The following VAMP7 variants were observed in gnomAD, a reference collection of about 807,000 sequenced individuals.
The protein encoded by VAMP7 is vesicle-associated membrane protein 7.
Under a neutral mutation model 29.6 loss-of-function variants are expected in VAMP7, and 14 were observed. The ratio of observed to expected loss-of-function variants is 0.47; its 90% confidence interval spans 0.31 to 0.74. The LOEUF is 0.74. Among genes scored for constraint, VAMP7 ranks in the 30% least tolerant of loss-of-function variants. The pLI, the probability that VAMP7 is intolerant of heterozygous loss-of-function variation, is 0.05. For missense variants in VAMP7, 223 were observed against 262.4 expected (o/e 0.85, Z 1.04); for synonymous variants, 95 against 88.1 (o/e 1.08, Z -0.44).
At chrX:155,934,525 C>T (rs2066616792) in intron 6 of VAMP7, among the ~76,000 whole-genome samples, 1 of 152,110 alleles carries the variant, frequency 6.6e-6, no homozygotes, top group Non-Finnish European at 1.5e-5. Flanking sequence ...ATTGCAACCC[C>T]TGCCTTTTTT....
At chrX:155,905,432 A>AT (rs1404213654) in intron 5 of VAMP7, among the ~76,000 whole-genome samples, 1 of 151,884 alleles carries the variant, frequency 6.6e-6, no homozygotes, top group Non-Finnish European at 1.5e-5. Flanking sequence ...AGTCCAATTT[A>AT]TTTTTTTCTT....
In VAMP7 at chrX:155,913,135, G is replaced by C. The variant is rs189875769; in HGVS notation, c.434-6678G>C. ...TTTCTCTAATGACCCGTGATGATGAGCTTTTTTTTCATATGTTTATTGGCC... is the reference window on the plus strand; with the variant it reads ...TTTCTCTAATGACCCGTGATGATGACCTTTTTTTTCATATGTTTATTGGCC... On this transcript the variant is annotated intron_variant, in intron 5 of 7. Coordinates refer to ENST00000286448, the MANE Select transcript of VAMP7 (RefSeq NM_005638.6). Among the ~76,000 whole-genome samples the C allele has an allele frequency of 1.5e-4, 23 of 152,194 alleles. No individual in the cohort carries two copies. The East Asian group carries it at 3.9e-3, about 26-fold the overall frequency.
At chrX:155,890,453 C>T (rs2065913917) in intron 2 of VAMP7, among the ~76,000 whole-genome samples, 1 of 152,096 alleles carries the variant, frequency 6.6e-6, no homozygotes, top group Admixed American at 6.5e-5. Flanking sequence ...CTCCATCTCC[C>T]AGGTTCAGAT....
intron 6 of VAMP7, among the ~76,000 whole-genome samples, chrX:155,937,774 G>T (rs1238052170): frequency 6.6e-6 from 1 of 152,068 alleles, no homozygotes; most frequent in Non-Finnish European, 1.5e-5. Flanking sequence ...ATTCTCTCCT[G>T]TGACTGCTAA....
At chrX:155,917,565 C>T (rs2066331982) in intron 5 of VAMP7, among the ~76,000 whole-genome samples, 1 of 152,206 alleles carries the variant, frequency 6.6e-6, no homozygotes, top group South Asian at 2.1e-4. Context: ...ACAGGCCTCT[C>T]TGCTGCAGGT....
intron 1 of VAMP7, among the ~76,000 whole-genome samples, chrX:155,884,483 AG>A (rs1389091459): frequency 1.3e-5 from 2 of 152,248 alleles, no homozygotes. Context: ...TTACTGCAAA[AG>A]ACAAATTTTG....
intron 6 of VAMP7, among the ~76,000 whole-genome samples, chrX:155,920,999 AC>A (rs2066387625): frequency 6.6e-6 from 1 of 152,104 alleles, no homozygotes; most frequent in African/African-American, 2.4e-5. Context: ...TCACTTTGTG[AC>A]CCATTGCTGG....
chrX:155,904,267 A>G (rs1397059541), intron 5 of VAMP7, among the ~76,000 whole-genome samples: 3 of 151,268 alleles, frequency 2.0e-5, no homozygotes, highest in East Asian at 2.0e-4. Flanking sequence ...TGACGAGTTA[A>G]TGGGTGCAGC....
chrX:155,894,462 G>C (rs943098587), intron 2 of VAMP7, among the ~76,000 whole-genome samples: 5 of 151,786 alleles, frequency 3.3e-5, no homozygotes, highest in African/African-American at 1.2e-4. Flanking sequence ...TACTTCTCCA[G>C]TCTTGTCTGT....
At chrX:155,938,610 C>A (rs747044340) in intron 6 of VAMP7, among the ~76,000 whole-genome samples, 15 of 152,276 alleles carry the variant, frequency 9.9e-5, no homozygotes, top group African/African-American at 3.6e-4. Context: ...AGTCACTACT[C>A]TTCTCCAAAG....
intron 6 of VAMP7, among the ~76,000 whole-genome samples, chrX:155,927,902 G>C (rs1246127204): frequency 6.7e-6 from 1 of 148,544 alleles, no homozygotes; most frequent in Non-Finnish European, 1.5e-5. Flanking sequence ...TTTGGCTTTT[G>C]TTGTTGTTGT....
At chrX:155,931,642 T>A (rs962126292) in intron 6 of VAMP7, among the ~76,000 whole-genome samples, 1 of 152,162 alleles carries the variant, frequency 6.6e-6, no homozygotes, top group African/African-American at 2.4e-5. Context: ...ATTGCAAAAC[T>A]TTTCTCCCAC....
intron 6 of VAMP7, among the ~76,000 whole-genome samples, chrX:155,927,561 C>A (rs2066488270): frequency 7.0e-6 from 1 of 143,590 alleles, no homozygotes; most frequent in Non-Finnish European, 1.5e-5. Flanking sequence ...GCCTGTAATT[C>A]TTTCTGTGTC....
chrX:155,906,265 A>G (rs1006342845), intron 5 of VAMP7, among the ~76,000 whole-genome samples: 1 of 152,100 alleles, frequency 6.6e-6, no homozygotes, highest in Non-Finnish European at 1.5e-5. Context: ...TATTTGTTAT[A>G]TAAGTCCGGC....
At chrX:155,897,908 C>G (rs2066007692) in intron 3 of VAMP7, among the ~76,000 whole-genome samples, 2 of 152,108 alleles carry the variant, frequency 1.3e-5, no homozygotes, top group South Asian at 2.1e-4. Flanking sequence ...TCAGCTCTTT[C>G]ATTTACTAGT....
chrX:155,920,144 G>A (rs1457628965), intron 6 of VAMP7, among the ~76,000 whole-genome samples: 2 of 152,148 alleles, frequency 1.3e-5, no homozygotes, highest in African/African-American at 4.8e-5. Context: ...TTTGGATTGA[G>A]GCCTATATAA....
chrX:155,895,586 T>A (rs968509443), intron 2 of VAMP7, 37 bp from the exon 3 acceptor site: 1 of 1,518,718 alleles, frequency 6.6e-7, no homozygotes, highest in Non-Finnish European at 9.1e-7. Context: ...TGATGTTGCT[T>A]ATAACCACAG....
chrX:155,894,039 A>T (rs1334322432), intron 2 of VAMP7, among the ~76,000 whole-genome samples: 1 of 152,200 alleles, frequency 6.6e-6, no homozygotes, highest in African/African-American at 2.4e-5. Context: ...TCCTCTGTGA[A>T]CATTAATATA....
intron 2 of VAMP7, among the ~76,000 whole-genome samples, chrX:155,890,275 G>T (rs1014161638): frequency 6.6e-6 from 1 of 152,156 alleles, no homozygotes; most frequent in Non-Finnish European, 1.5e-5. Flanking sequence ...GCCATATTAA[G>T]AGCTTGGACT....
Sources: gnomAD v4.1 joint callset for allele counts (sites outside exome capture counted in the v4.1 genomes callset) on GRCh38, gnomAD v4.1.1 for gene constraint, MANE v1.5 for transcripts, NCBI Gene and HGNC (gene_info 2026-07-23, HGNC 2026-07-21) for gene names.